CADM4: variants seen among roughly 807,000 people sequenced by gnomAD.
CADM4 encodes cell adhesion molecule 4, also known as TSLC1-like 2.
A neutral mutation model predicts 43.9 loss-of-function variants in CADM4; 13 were observed. The ratio of observed to expected loss-of-function variants is 0.30; its 90% confidence interval spans 0.19 to 0.47. The LOEUF (loss-of-function observed/expected upper bound fraction) is 0.47, where lower values mean the gene tolerates loss of function less well. Ranked by LOEUF, CADM4 falls within the 20% of genes least tolerant of loss-of-function variation. The pLI is 1.00. For missense variants in CADM4, 420 were observed against 527.0 expected (o/e 0.80, Z 1.99); for synonymous variants, 209 against 220.9 (o/e 0.95, Z 0.48).
rs1448153105 is a variant in CADM4, at chr19:43,624,891, C to T, written c.928+187G>A. The T allele has an allele frequency of 5.0e-6, 3 of 605,746 alleles. No homozygotes were observed. The African/African-American group carries it at 5.6e-5, about 11-fold the overall frequency. The allele number at this position is 605,746 out of a possible 1,614,324, so 37.5% of individuals were successfully genotyped here. ...ACTGATGGGTAAACTGAGGCGCAGA[C>T]AGGTTCGGTTACCTGCAATAGAATG... On this transcript the variant is annotated intron_variant, in intron 7 of 8. Transcript: ENST00000222374.
chr19:43,639,053 CAG>C lies in CADM4; in HGVS notation c.64+672_64+673del, dbSNP rs559913178. 3.1e-3 allele frequency among the ~76,000 whole-genome samples: 468 copies of C among 151,710 alleles called. 4 individuals are homozygous for C. The highest frequency in any genetic ancestry group is 5.0e-3 in the Non-Finnish European group (342 of 67,896). The stretch of plus-strand genomic sequence containing the variant: ...GTTAGAGAAACGAGTGACAGAAAGA[CAG>C]GGGACAGAGACAAGGGGATGGGGCA... On this transcript the variant is annotated intron_variant, in intron 1 of 8. Transcript: ENST00000222374.
Position 43,626,703 on chromosome 19 carries a change from T to G in CADM4, c.499+81A>C. On this transcript the variant is annotated intron_variant, in intron 4 of 8. Coordinates refer to ENST00000222374, the MANE Select transcript of CADM4 (RefSeq NM_145296.2). This position sits in a 1 kb window ranked among gnomAD's most constrained non-coding sequence, Gnocchi z 5.9. ...TGAATGTCCAGTGTCTGTGAAAACCTGTGGCTCCTCTCCACATATAAACAA... is the reference window on the plus strand; with the variant it reads ...TGAATGTCCAGTGTCTGTGAAAACCGGTGGCTCCTCTCCACATATAAACAA... 6.8e-7 allele frequency: 1 copy of G among 1,467,186 alleles called. No homozygotes were observed. The highest frequency in any genetic ancestry group is 9.1e-7 in the Non-Finnish European group (1 of 1,101,696). The allele number at this position is 1,467,186 out of a possible 1,614,324, so 90.9% of individuals were successfully genotyped here.
At position 43,627,146 on chromosome 19, in the gene CADM4, G is replaced by A. The variant is rs564741327; in HGVS notation, c.364+20C>T. On this transcript the variant is annotated intron_variant, in intron 3 of 8. Transcript: ENST00000222374. This position sits in a 1 kb window ranked among gnomAD's most constrained non-coding sequence, Gnocchi z 4.0. ...GAAGAAAGGAGGAGAGGATGCGTCT[G>A]ACAAGGGGGAGGGCGTTACCTAGTA... The A allele has an allele frequency of 3.2e-6, 5 of 1,546,058 alleles. No homozygotes were observed. The highest frequency in any genetic ancestry group is 1.4e-5 in the African/African-American group (1 of 72,882).
In CADM4 at chr19:43,623,290, C is replaced by G. The variant is rs368600301; in HGVS notation, c.*40G>C. ...CTTGCAGCTGGCAGTGGGGGGGACC[C>G]CAGCCCAGGCCCAGGCCTAGGCCTG... is the stretch of plus-strand genomic sequence containing the variant. On this transcript the variant is annotated 3_prime_UTR_variant, in exon 9 of 9. Transcript: ENST00000222374. This position sits in a 1 kb window ranked among gnomAD's most constrained non-coding sequence, Gnocchi z 4.4. The G allele has an allele frequency of 2.0e-6, 3 of 1,530,676 alleles. No homozygotes were observed. The highest frequency in any genetic ancestry group is 1.7e-5 in the Admixed American group (1 of 59,810). 94.8% of individuals were successfully genotyped at this position (1,530,676 alleles called of 1,614,324 possible).
rs3842421 is a variant in CADM4, at chr19:43,625,578, A to AAATAATAAT, written c.755+324_756-329dup. Among the ~76,000 whole-genome samples, 6 of 149,834 alleles carry AAATAATAAT rather than the reference A, an allele frequency of 4.0e-5. No homozygotes were observed. Among genetic ancestry groups the AAATAATAAT allele is most frequent in the Admixed American group, 1.3e-4 (2 of 15,040 alleles). Reference sequence around the variant, plus strand: ...GGGAGACCCCGTCACTACAATTAAAAAATAATAATAATAATAATAATAATT... The same window carrying AAATAATAAT: ...GGGAGACCCCGTCACTACAATTAAAAAATAATAATAATAATAATAATAATAATAATAATT... On this transcript the variant is annotated intron_variant, in intron 6 of 8. Coordinates refer to ENST00000222374, the MANE Select transcript of CADM4 (RefSeq NM_145296.2). This position sits in a 1 kb window ranked among gnomAD's most constrained non-coding sequence, Gnocchi z 4.5.
At position 43,626,704 on chromosome 19, in the gene CADM4, G is replaced by A; in HGVS notation, c.499+80C>T. On this transcript the variant is annotated intron_variant, in intron 4 of 8. Transcript: ENST00000222374. This position sits in a 1 kb window ranked among gnomAD's most constrained non-coding sequence, Gnocchi z 5.9. ...GAATGTCCAGTGTCTGTGAAAACCT[G>A]TGGCTCCTCTCCACATATAAACAAC... 6.8e-7 allele frequency: 1 copy of A among 1,468,822 alleles called. No homozygotes were observed. The highest frequency in any genetic ancestry group is 9.1e-7 in the Non-Finnish European group (1 of 1,103,050). The allele number at this position is 1,468,822 out of a possible 1,614,324, so 91.0% of individuals were successfully genotyped here. A position where few individuals can be genotyped will look rare whatever the true frequency, so the allele number is the denominator to read the frequency against.
At chr19:43,632,504 TC>T (rs2146151382) in intron 1 of CADM4, among the ~76,000 whole-genome samples, 1 of 152,198 alleles carries the variant, frequency 6.6e-6, no homozygotes, top group South Asian at 2.1e-4. Context: ...AGAGACCCCT[TC>T]CCGGGGACTT....
chr19:43,629,068 A>G (rs1973577949), intron 1 of CADM4, among the ~76,000 whole-genome samples: 1 of 152,240 alleles, frequency 6.6e-6, no homozygotes, highest in Non-Finnish European at 1.5e-5. Flanking sequence ...TAATTAGGCT[A>G]TACTTCCCAG....
At chr19:43,631,883 G>C (rs903689696) in intron 1 of CADM4, among the ~76,000 whole-genome samples, 1 of 152,122 alleles carries the variant, frequency 6.6e-6, no homozygotes, top group Non-Finnish European at 1.5e-5. Context: ...TTATGTTTTA[G>C]TGTAACGCTT....
At chr19:43,633,071 C>CA (rs1167707172) in intron 1 of CADM4, among the ~76,000 whole-genome samples, 4,998 of 56,628 alleles carry the variant, frequency 0.088, 172 homozygotes, top group Middle Eastern at 0.27. Flanking sequence ...GACTCTGTCT[C>CA]AAAAAAAAAA....
At chr19:43,638,349 T>A (rs1045068714) in intron 1 of CADM4, among the ~76,000 whole-genome samples, 8 of 152,196 alleles carry the variant, frequency 5.3e-5, no homozygotes, top group Non-Finnish European at 2.9e-5. Flanking sequence ...GAGGAAGGTG[T>A]TTACCATTGG....
Position 43,626,798 on chromosome 19 carries a change from C to A in CADM4, c.485G>T (p.Arg162Leu). ...GCCCAGGGTACCTTTCAGCTCCTTG[C>A]GGTCCCGGTACCAGCGCAGGGTGGC... is the stretch of plus-strand genomic sequence containing the variant. ...PAATLRWYRD[R>L]KELKGVSSSQ... Residue 162 changes from arginine (R) to leucine (L), a missense_variant, in exon 4 of 9, where the codon CGC becomes CTC. Transcript: ENST00000222374. The surrounding 1 kb of genome is among the most constrained non-coding windows in gnomAD (Gnocchi z 5.9). 1.3e-6 allele frequency: 2 copies of A among 1,596,168 alleles called. No homozygotes were observed. The highest frequency in any genetic ancestry group is 8.6e-7 in the Non-Finnish European group (1 of 1,169,302).
At position 43,639,793 on chromosome 19, in the gene CADM4, TGCCGCCGCCGCC is replaced by T. The variant is rs775584890; in HGVS notation, c.-15_-4del. 1.9e-5 allele frequency: 19 copies of T among 997,314 alleles called. No individual in the cohort carries two copies. The highest frequency in any genetic ancestry group is 2.3e-5 in the Non-Finnish European group (19 of 842,618). The allele number at this position is 997,314 out of a possible 1,614,324, so 61.8% of individuals were successfully genotyped here. A position where few individuals can be genotyped will look rare whatever the true frequency, so the allele number is the denominator to read the frequency against. ...TGGAAGCGCCGGGCCCGGCCCATGG[TGCCGCCGCCGCC>T]GCCGCCGCCGCTCGCTCCCGGCCCG... On this transcript the variant is annotated 5_prime_UTR_variant, in exon 1 of 9. Transcript: ENST00000222374.
In CADM4 at chr19:43,626,173, C is replaced by T. The variant is rs750404733; in HGVS notation, c.615G>A (p.Ala205=). 6 of 1,613,928 alleles carry T rather than the reference C, an allele frequency of 3.7e-6. No individual in the cohort carries two copies. Among genetic ancestry groups the T allele is most frequent in the Non-Finnish European group, 5.1e-6 (6 of 1,179,968 alleles). Residue 205 remains alanine (A), a synonymous_variant, in exon 5 of 9, where the codon GCG becomes GCA. Transcript: ENST00000222374. The surrounding 1 kb of genome is among the most constrained non-coding windows in gnomAD (Gnocchi z 5.9). ...TCTGCTTGCTGTGTCCGGAGGGCAG[C>T]GCCTGGTTCTGCGCCTCACAGATGA... ...GIIICEAQNQ[A]LPSGHSKQTQ...
In CADM4 at chr19:43,625,521, G is replaced by A. The variant is rs1333601050; in HGVS notation, c.756-271C>T. ...GGCTGAGACGGGAGGACTGCTTAAG[G>A]CCAGCAGTTCCAGACCAGCCTGGGC... On this transcript the variant is annotated intron_variant, in intron 6 of 8. Coordinates refer to ENST00000222374, the MANE Select transcript of CADM4 (RefSeq NM_145296.2). The surrounding 1 kb of genome is among the most constrained non-coding windows in gnomAD (Gnocchi z 4.5). 6.6e-6 allele frequency among the ~76,000 whole-genome samples: 1 copy of A among 152,060 alleles called. No homozygotes were observed. Among genetic ancestry groups the A allele is most frequent in the Non-Finnish European group, 1.5e-5 (1 of 68,014 alleles).
chr19:43,632,775 CTTTCT>C (rs1055771277), intron 1 of CADM4, among the ~76,000 whole-genome samples: 3 of 152,098 alleles, frequency 2.0e-5, no homozygotes, highest in Admixed American at 6.6e-5. Flanking sequence ...CTTTAGAACA[CTTTCT>C]TTTCTTTTAA....
chr19:43,636,549 G>A lies in CADM4; in HGVS notation c.64+3178C>T, dbSNP rs375666102. On this transcript the variant is annotated intron_variant, in intron 1 of 8. Coordinates refer to ENST00000222374, the MANE Select transcript of CADM4 (RefSeq NM_145296.2). ...CAGGCGGAAATCAGTGGGTGCTTCCGTTCTGATGCCACAGGCCATTGGATG... is the reference window on the plus strand; with the variant it reads ...CAGGCGGAAATCAGTGGGTGCTTCCATTCTGATGCCACAGGCCATTGGATG... Among the ~76,000 whole-genome samples the A allele has an allele frequency of 5.5e-4, 84 of 152,242 alleles. 1 individual carries two copies. The highest frequency in any genetic ancestry group is 1.8e-3 in the African/African-American group (76 of 41,526).
At chr19:43,624,296 G>A in intron 7 of CADM4, 54 bp from the exon 8 acceptor site, 1 of 1,611,430 alleles carries the variant, frequency 6.2e-7, no homozygotes, top group Non-Finnish European at 8.5e-7. Context: ...TCCCAGTCTG[G>A]CCCCATCGCT....
intron 1 of CADM4, among the ~76,000 whole-genome samples, chr19:43,631,139 G>A (rs1157723845): frequency 6.6e-6 from 1 of 152,030 alleles, no homozygotes; most frequent in Admixed American, 6.6e-5. Context: ...TCAGGAGTTC[G>A]AGACCAGCCT....
Sources: gnomAD v4.1 joint callset for allele counts (sites outside exome capture counted in the v4.1 genomes callset) on GRCh38, gnomAD v4.1.1 for gene constraint, Gnocchi (gnomAD v3.1) non-coding constraint, MANE v1.5 for transcripts, NCBI Gene and HGNC (gene_info 2026-07-23, HGNC 2026-07-21) for gene names.